Variants in AGO2 observed in about 807,000 individuals in gnomAD.
The protein encoded by AGO2 is argonaute RISC catalytic component 2, also known as protein argonaute-2.
In AGO2, 5 loss-of-function variants were observed where a neutral mutation model predicts 102.3. That is an observed-to-expected ratio of 0.05 (90% confidence interval 0.03 to 0.10). The LOEUF (loss-of-function observed/expected upper bound fraction) is 0.10. Among genes scored for constraint, AGO2 ranks in the 10% least tolerant of loss-of-function variants. The pLI, the probability that AGO2 is intolerant of heterozygous loss-of-function variation, is 1.00. For missense variants in AGO2, 541 were observed against 1,183.7 expected, an observed-to-expected ratio of 0.46 and a Z score of 7.97; for synonymous variants, 449 against 473.1, an observed-to-expected ratio of 0.95 and a Z score of 0.66.
Position 140,546,203 on chromosome 8 carries a change from C to A in AGO2, c.1748+1265G>T, listed in dbSNP as rs1053191844. On this transcript the variant is annotated intron_variant, in intron 13 of 18. Coordinates refer to ENST00000220592, the MANE Select transcript of AGO2 (RefSeq NM_012154.5). ...GTTTCACTGCAGAGCCCGCACCCCA[C>A]GCTCACAGCCGTTCCACTCGGAATC... Among the ~76,000 whole-genome samples the A allele has an allele frequency of 5.9e-5, 9 of 152,348 alleles. No homozygotes were observed. In the South Asian group the frequency reaches 1.0e-3, roughly 18 times the overall value.
chr8:140,638,574 T>C (rs1410062903), upstream of AGO2, among the ~76,000 whole-genome samples: 2 of 152,196 alleles, frequency 1.3e-5, no homozygotes, highest in Non-Finnish European at 2.9e-5. Context: ...GCTCTAATAG[T>C]CTATGATTCT....
rs1463337341 is a variant in AGO2 at position 140,539,459 on chromosome 8, G to C, written c.2035-5C>G. 1 of 1,609,430 alleles carries C rather than the reference G, an allele frequency of 6.2e-7. No individual in the cohort carries two copies. The highest frequency in any genetic ancestry group is 1.1e-5 in the South Asian group (1 of 90,630). On this transcript the variant is annotated splice_region_variant and splice_polypyrimidine_tract_variant and intron_variant, in intron 15 of 18. Transcript: ENST00000220592. The surrounding 1 kb of genome is among the most constrained non-coding windows in gnomAD (Gnocchi z 4.7). ...CAGCAACTCGTGGTGGAGAACCTAG[G>C]GGTACGGGAGGGAGGAGGTTGTGCT...
intron 10 of AGO2, among the ~76,000 whole-genome samples, chr8:140,554,202 G>A (rs894886184): frequency 8.5e-5 from 13 of 152,164 alleles, no homozygotes; most frequent in African/African-American, 1.7e-4. Context: ...CTCCCGGGGC[G>A]TCTCCTCCCC....
intron 1 of AGO2, among the ~76,000 whole-genome samples, chr8:140,631,263 C>G (rs758073862): frequency 4.3e-4 from 66 of 152,056 alleles, no homozygotes; most frequent in Non-Finnish European, 8.2e-4. Flanking sequence ...AGACGTAGGC[C>G]GGGCGTGGTG....
intron 1 of AGO2, among the ~76,000 whole-genome samples, chr8:140,615,947 G>C (rs567626671): frequency 6.6e-6 from 1 of 152,344 alleles, no homozygotes; most frequent in East Asian, 1.9e-4. Flanking sequence ...CCCATTCTGA[G>C]GGCATTTTGT....
At chr8:140,629,757 G>A (rs763326448) in intron 1 of AGO2, among the ~76,000 whole-genome samples, 18 of 151,752 alleles carry the variant, frequency 1.2e-4, no homozygotes, top group African/African-American at 4.1e-4. Flanking sequence ...GAGCTCCGGA[G>A]CCCGGGGAGG....
chr8:140,580,939 C>T (rs1269263605), intron 2 of AGO2, among the ~76,000 whole-genome samples: 4 of 152,272 alleles, frequency 2.6e-5, no homozygotes, highest in Non-Finnish European at 5.9e-5. Flanking sequence ...GGCGAAACCA[C>T]AGGAGTGTAG....
intron 1 of AGO2, among the ~76,000 whole-genome samples, chr8:140,610,599 G>A (rs960828069): frequency 1.3e-5 from 2 of 152,190 alleles, no homozygotes; most frequent in South Asian, 2.1e-4. Context: ...CGAAGACAGC[G>A]CTCCTGAAAG....
chr8:140,594,824 A>ACTGTGTGTGTGTGT (rs1303062634), intron 1 of AGO2, among the ~76,000 whole-genome samples: 33 of 65,062 alleles, frequency 5.1e-4, no homozygotes, highest in Middle Eastern at 8.6e-3. Context: ...AAAGAAAAAA[A>ACTGTGTGTGTGTGT]CTGTGTGTGT....
chr8:140,554,697 AT>A (rs1223748330), intron 10 of AGO2, among the ~76,000 whole-genome samples: 1 of 151,938 alleles, frequency 6.6e-6, no homozygotes, highest in East Asian at 1.9e-4. Context: ...TTTTTTAAGT[AT>A]TTTTTATTTT....
At position 140,532,639 on chromosome 8, in the gene AGO2, C is replaced by T. The variant is rs765251828; in HGVS notation, c.2272-24G>A. The T allele has an allele frequency of 5.0e-6, 8 of 1,607,734 alleles. No individual in the cohort carries two copies. The South Asian group carries it at 7.7e-5, about 15-fold the overall frequency. On this transcript the variant is annotated intron_variant, in intron 17 of 18. Coordinates refer to ENST00000220592, the MANE Select transcript of AGO2 (RefSeq NM_012154.5). ...CCCTAAAGCAGATCAGAAGATTAGACAGTTGGACTCGCATAAAATCTTTAA... is the reference window on the plus strand; with the variant it reads ...CCCTAAAGCAGATCAGAAGATTAGATAGTTGGACTCGCATAAAATCTTTAA...
intron 10 of AGO2, among the ~76,000 whole-genome samples, chr8:140,554,676 A>C (rs1437180242): frequency 1.3e-5 from 2 of 152,046 alleles, no homozygotes; most frequent in African/African-American, 4.8e-5. Context: ...CATTTAAAAA[A>C]CAGAACTGTT....
chr8:140,620,573 ACTT>A (rs1167279085), intron 1 of AGO2, among the ~76,000 whole-genome samples: 13 of 152,110 alleles, frequency 8.5e-5, no homozygotes, highest in South Asian at 2.1e-4. Context: ...GCCCTTTAAA[ACTT>A]CTTCTCGGCC....
chr8:140,640,090 C>A (rs2074431913), upstream of AGO2, among the ~76,000 whole-genome samples: 1 of 152,314 alleles, frequency 6.6e-6, no homozygotes, highest in East Asian at 1.9e-4. Flanking sequence ...CTCATTGCAG[C>A]CTTCGCCTCC....
intron 1 of AGO2, among the ~76,000 whole-genome samples, chr8:140,594,016 G>A (rs982350248): frequency 5.3e-5 from 8 of 152,192 alleles, no homozygotes; most frequent in Non-Finnish European, 1.2e-4. Flanking sequence ...GAGGTCTGCC[G>A]GTGCCAAGCC....
At chr8:140,580,627 C>G (rs753151714) in intron 2 of AGO2, among the ~76,000 whole-genome samples, 3 of 152,222 alleles carry the variant, frequency 2.0e-5, no homozygotes, top group African/African-American at 2.4e-5. Flanking sequence ...CCTCAGCCAC[C>G]ACTGCACCCC....
At chr8:140,573,229 G>C (rs2073413339) in intron 2 of AGO2, among the ~76,000 whole-genome samples, 1 of 152,044 alleles carries the variant, frequency 6.6e-6, no homozygotes, top group African/African-American at 2.4e-5. Context: ...GAGTGCAGTG[G>C]CACGATCTTG....
chr8:140,626,615 A>T (rs935222711), intron 1 of AGO2: 3 of 152,232 alleles, frequency 2.0e-5, no homozygotes, highest in African/African-American at 7.2e-5. Flanking sequence ...TGAGACACCC[A>T]TCACGTGGCC....
At chr8:140,605,821 C>T (rs1312462973) in intron 1 of AGO2, 1 of 152,158 alleles carries the variant, frequency 6.6e-6, no homozygotes, top group Non-Finnish European at 1.5e-5. Flanking sequence ...CCGAACTGGC[C>T]CAGGGGCCAG....
Sources: allele counts gnomAD v4.1 joint callset (sites outside exome capture counted in the v4.1 genomes callset), GRCh38; gene constraint gnomAD v4.1.1; non-coding constraint Gnocchi (gnomAD v3.1); transcripts MANE v1.5; gene names NCBI Gene and HGNC (gene_info 2026-07-23, HGNC 2026-07-21).